The following ZSCAN23 variants were observed in gnomAD, a reference collection of about 807,000 sequenced individuals.
ZSCAN23 encodes the protein zinc finger and SCAN domain containing 23, also known as zinc finger and SCAN domain-containing protein 23.
A neutral mutation model predicts 19.3 loss-of-function variants in ZSCAN23; 19 were observed. The observed-to-expected ratio is 0.99, with a 90% CI of 0.69 to 1.45. The LOEUF (loss-of-function observed/expected upper bound fraction) is 1.45, where lower values mean the gene tolerates loss of function less well. Ranked by LOEUF, ZSCAN23 falls within the 40% of genes most tolerant of loss-of-function variation. The pLI is 0.00. For synonymous variants in ZSCAN23, 140 were observed against 166.2 expected (o/e 0.84, Z 1.21); for missense variants, 372 against 462.5 (o/e 0.80, Z 1.79).
At position 28,435,540 on chromosome 6, in the gene ZSCAN23, T is replaced by A. The variant is rs146204925; in HGVS notation, c.476A>T (p.Glu159Val). ...GGTTTGGAATTGGTCATTTGATGACTCCTGAGCTGCTCCTGGAGTTGCCTT... is the reference window on the plus strand; with the variant it reads ...GGTTTGGAATTGGTCATTTGATGACACCTGAGCTGCTCCTGGAGTTGCCTT... ...KEKATPGAAQ[E>V]SSNDQFQTLE... The change falls in exon 3 of 4, where the codon GAG (glutamate) becomes GTG (valine). Residue 159 changes from glutamate to valine, a missense_variant. By Grantham distance (121) the Glu-to-Val change is moderately radical (BLOSUM62 -2). Coordinates refer to ENST00000289788, the MANE Select transcript of ZSCAN23 (RefSeq NM_001012455.2). 7.4e-5 allele frequency: 115 copies of A among 1,551,864 alleles called. No individual in the cohort carries two copies. In the East Asian group the frequency reaches 2.8e-3, roughly 38 times the overall value.
intron 1 of ZSCAN23, among the ~76,000 whole-genome samples, chr6:28,436,588 A>G (rs951362166): frequency 6.6e-6 from 1 of 152,212 alleles, no homozygotes. Flanking sequence ...AAACAGCTCA[A>G]ATCAGCTTGA....
downstream of ZSCAN23, among the ~76,000 whole-genome samples, chr6:28,430,509 G>T (rs11970404): frequency 0.022 from 3,344 of 152,250 alleles, 72 homozygotes; most frequent in African/African-American, 0.059. Context: ...GAAGATGTTG[G>T]CTTGTTCTCC....
At position 28,434,767 on chromosome 6, in the gene ZSCAN23, AC is replaced by A; in HGVS notation, c.867del (p.Arg289SerfsTer88). 6.2e-7 allele frequency: 1 copy of A among 1,602,424 alleles called. No homozygotes were observed. The highest frequency in any genetic ancestry group is 2.3e-5 in the East Asian group (1 of 44,336). On this transcript the variant is annotated frameshift_variant, in exon 4 of 4. Coordinates refer to ENST00000289788, the MANE Select transcript of ZSCAN23 (RefSeq NM_001012455.2). LOFTEE classifies it low-confidence loss of function (END_TRUNC). ...AGTCTCTGGTGCTGGAATAGGCCTG[AC>A]CTCTGGCTGAAGGCCCGCCCACACT... is the stretch of plus-strand genomic sequence containing the variant. ...CDECGRAFSQ[R>X]SGLFQHQRLH...
chr6:28,430,099 A>AGGCCGACAGGGGG (rs1554155436), downstream of ZSCAN23, among the ~76,000 whole-genome samples: 1 of 152,142 alleles, frequency 6.6e-6, no homozygotes, highest in African/African-American at 2.4e-5. Context: ...GTCTGGGCTG[A>AGGCCGACAGGGGG]CTTCTCTCTC....
At chr6:28,430,861 G>A (rs974820298), downstream of ZSCAN23, among the ~76,000 whole-genome samples, 3 of 152,048 alleles carry the variant, frequency 2.0e-5, 1 homozygote, top group Non-Finnish European at 4.4e-5. Flanking sequence ...CCCTTCATCC[G>A]ACTACCTGCT....
chr6:28,427,401 G>A (rs1237199061), downstream of ZSCAN23, among the ~76,000 whole-genome samples: 1 of 152,208 alleles, frequency 6.6e-6, no homozygotes, highest in Non-Finnish European at 1.5e-5. Flanking sequence ...TGAGAAATGT[G>A]TCTTTAGGCA....
rs1464034457 is a variant in ZSCAN23, at chr6:28,434,500, G to A, written c.1135C>T (p.His379Tyr). ...NFIYHCNLIQ[H>Y]RKVHPVAESS ...TCAGCCACTGGGTGGACTTTCCGAT[G>A]CTGGATTAGGTTGCAATGGTAAATG... Residue 379 changes from histidine (H) to tyrosine (Y), a missense_variant, in exon 4 of 4, where the codon CAT (histidine) becomes TAT (tyrosine). Transcript: ENST00000289788. 6.5e-7 allele frequency: 1 copy of A among 1,549,968 alleles called. No individual in the cohort carries two copies. The highest frequency in any genetic ancestry group is 8.7e-7 in the Non-Finnish European group (1 of 1,145,474).
At chr6:28,424,891 T>C in the ZSCAN23 span, among the ~76,000 whole-genome samples, 1 of 152,356 alleles carries the variant, frequency 6.6e-6, no homozygotes, top group African/African-American at 2.4e-5. Flanking sequence ...TCTCCTCCCA[T>C]GAATCACAAA....
chr6:28,436,322 T>C lies in ZSCAN23; in HGVS notation c.-56A>G. On this transcript the variant is annotated 5_prime_UTR_variant, in exon 2 of 4. Coordinates refer to ENST00000289788, the MANE Select transcript of ZSCAN23 (RefSeq NM_001012455.2). ...ATTCTTGATAATTCTCCCTTGATCT[T>C]TTCTTCTGGAAACCCCGAGATCTAG... is the stretch of plus-strand genomic sequence containing the variant. 1 of 1,384,098 alleles carries C rather than the reference T, an allele frequency of 7.2e-7. No homozygotes were observed. The highest frequency in any genetic ancestry group is 9.4e-7 in the Non-Finnish European group (1 of 1,062,236). The allele number at this position is 1,384,098 out of a possible 1,614,324, so 85.7% of individuals were successfully genotyped here. A position where few individuals can be genotyped will look rare whatever the true frequency, so the allele number is the denominator to read the frequency against.
downstream of ZSCAN23, among the ~76,000 whole-genome samples, chr6:28,428,946 G>A (rs532341505): frequency 1.3e-5 from 2 of 152,226 alleles, no homozygotes; most frequent in South Asian, 4.1e-4. Context: ...GCATATTTCA[G>A]TTACTCTCTA....
Position 28,436,270 on chromosome 6 carries a change from A to T in ZSCAN23, c.-4T>A, listed in dbSNP as rs1178681300. 1 of 1,518,056 alleles carries T rather than the reference A, an allele frequency of 6.6e-7. No individual in the cohort carries two copies. The highest frequency in any genetic ancestry group is 2.2e-5 in the Admixed American group (1 of 45,518). The allele number at this position is 1,518,056 out of a possible 1,614,324, so 94.0% of individuals were successfully genotyped here. On this transcript the variant is annotated 5_prime_UTR_variant, in exon 2 of 4. Coordinates refer to ENST00000289788, the MANE Select transcript of ZSCAN23 (RefSeq NM_001012455.2). ...GAAGGGTCAAGGTTATGGCCATCAA[A>T]GGTTTAACTATTCAGAAAAATAATC...
At chr6:28,421,672 A>G in the ZSCAN23 span, among the ~76,000 whole-genome samples, 1 of 152,206 alleles carries the variant, frequency 6.6e-6, no homozygotes, top group Admixed American at 6.5e-5. Flanking sequence ...ACAGAGGACA[A>G]CAGAACATCT....
chr6:28,421,795 C>T, the ZSCAN23 span, among the ~76,000 whole-genome samples: 2 of 151,988 alleles, frequency 1.3e-5, no homozygotes, highest in African/African-American at 4.8e-5. Context: ...GGAGAGGGTA[C>T]CCATATATTA....
intron 1 of ZSCAN23, among the ~76,000 whole-genome samples, chr6:28,438,425 T>C (rs918177055): frequency 2.6e-5 from 4 of 152,218 alleles, no homozygotes; most frequent in Non-Finnish European, 4.4e-5. Flanking sequence ...GGTGTTGACA[T>C]GCATTGTGAA....
the ZSCAN23 span, among the ~76,000 whole-genome samples, chr6:28,425,909 A>G: frequency 1.3e-5 from 2 of 152,314 alleles, no homozygotes; most frequent in Admixed American, 1.3e-4. Context: ...TTCACTTTGC[A>G]CTGTTATGTT....
Position 28,434,794 on chromosome 6 carries a change from C to A in ZSCAN23, c.841G>T (p.Glu281Ter), listed in dbSNP as rs1761840314. 6.2e-7 allele frequency: 1 copy of A among 1,600,396 alleles called. No individual in the cohort carries two copies. The highest frequency in any genetic ancestry group is 1.7e-5 in the Admixed American group (1 of 57,426). Residue 281 changes from glutamate to a stop codon, truncating the protein, a stop_gained, in exon 4 of 4, where the codon GAG (glutamate) becomes TAG (stop). Coordinates refer to ENST00000289788, the MANE Select transcript of ZSCAN23 (RefSeq NM_001012455.2). LOFTEE classifies it low-confidence loss of function (END_TRUNC). The stretch of plus-strand genomic sequence containing the variant: ...CTCTGGCTGAAGGCCCGCCCACACT[C>A]ATCACATTCATAAGGCTTCTCACCT... Reference protein sequence around the residue: ...HTGEKPYECDECGRAFSQRSG... With the variant: ...HTGEKPYECD
At position 28,435,982 on chromosome 6, in the gene ZSCAN23, C is replaced by T; in HGVS notation, c.285G>A (p.Gln95=). 1 of 1,614,234 alleles carries T rather than the reference C, an allele frequency of 6.2e-7. No homozygotes were observed. Among genetic ancestry groups the T allele is most frequent in the South Asian group, 1.1e-5 (1 of 91,090 alleles). ...GCTCCTCAGGCAGGATAGTCAGGAA[C>T]TGCTCCAGCACCAGCAGCTCTAGGA... The part of the protein sequence containing the change: ...EQILELLVLE[Q]FLTILPEELQ... Residue 95 remains glutamine, a synonymous_variant, in exon 2 of 4, where the codon CAG becomes CAA. Coordinates refer to ENST00000289788, the MANE Select transcript of ZSCAN23 (RefSeq NM_001012455.2).
At chr6:28,438,862 T>C (rs1249025621) in intron 1 of ZSCAN23, among the ~76,000 whole-genome samples, 1 of 152,208 alleles carries the variant, frequency 6.6e-6, no homozygotes, top group East Asian at 1.9e-4. Flanking sequence ...AAGTGAACAC[T>C]GATCACATTA....
chr6:28,436,181 G>A lies in ZSCAN23; in HGVS notation c.86C>T (p.Ser29Phe). 1 of 1,559,308 alleles carries A rather than the reference G, an allele frequency of 6.4e-7. No individual in the cohort carries two copies. The highest frequency in any genetic ancestry group is 2.4e-5 in the East Asian group (1 of 41,428). The change falls in exon 2 of 4, where the codon TCC becomes TTC. Residue 29 changes from serine to phenylalanine, a missense_variant. Transcript: ENST00000289788. ...VKVKEEEEEH[S>F]CGPESGLSRN... is the part of the protein sequence containing the mutation. ...TGACAGGCCTGATTCTGGCCCACAGGAATGTTCCTCCTCTTCCTCCTTTAC... is the reference window on the plus strand; with the variant it reads ...TGACAGGCCTGATTCTGGCCCACAGAAATGTTCCTCCTCTTCCTCCTTTAC...
Sources: allele counts gnomAD v4.1 joint callset (sites outside exome capture counted in the v4.1 genomes callset), GRCh38; gene constraint gnomAD v4.1.1; transcripts MANE v1.5; gene names NCBI Gene and HGNC (gene_info 2026-07-23, HGNC 2026-07-21).